CCDC73: variants seen among roughly 807,000 people sequenced by gnomAD.
CCDC73 encodes coiled-coil domain containing 73.
In CCDC73, 95 loss-of-function variants were observed where a neutral mutation model predicts 116.5. The observed-to-expected ratio is 0.82, with a 90% confidence interval of 0.69 to 0.97. The LOEUF is 0.97. CCDC73 is among the 50% of genes least tolerant of loss of function. The pLI, the probability that CCDC73 is intolerant of heterozygous loss-of-function variation, is 0.00. For missense variants in CCDC73, 1,066 were observed against 1,206.8 expected, an observed-to-expected ratio of 0.88 and a Z score of 1.73; for synonymous variants, 398 against 401.3, an observed-to-expected ratio of 0.99 and a Z score of 0.10.
intron 7 of CCDC73, among the ~76,000 whole-genome samples, chr11:32,679,264 T>G (rs371230032): frequency 2.0e-5 from 3 of 152,318 alleles, no homozygotes; most frequent in African/African-American, 4.8e-5. Flanking sequence ...AATTTCTGAT[T>G]GAGAGAATTA....
chr11:32,782,203 G>A (rs1270964036), intron 1 of CCDC73, among the ~76,000 whole-genome samples: 1 of 152,160 alleles, frequency 6.6e-6, no homozygotes, highest in Non-Finnish European at 1.5e-5. Flanking sequence ...ATTATGGTGA[G>A]TTGTATAATT....
At chr11:32,828,881 C>T in the CCDC73 span, among the ~76,000 whole-genome samples, 3 of 152,100 alleles carry the variant, frequency 2.0e-5, no homozygotes, top group African/African-American at 7.2e-5. Flanking sequence ...TATGTTTATG[C>T]ATAGACTCAA....
intron 1 of CCDC73, among the ~76,000 whole-genome samples, chr11:32,766,001 C>T (rs1174653853): frequency 2.6e-5 from 4 of 151,932 alleles, no homozygotes; most frequent in Non-Finnish European, 2.9e-5. Flanking sequence ...AGAGACACAA[C>T]AAAAAAAGAG....
chr11:32,700,859 GATCACTGTTAACAGTGATCT>G (rs1305619012), intron 4 of CCDC73, 33 bp from the exon 5 acceptor site: 10 of 1,256,964 alleles, frequency 8.0e-6, no homozygotes, highest in African/African-American at 1.5e-5. Context: ...AAAATAAAGG[GATCACTGTTAACAGTGATCT>G]ATACTGGTCA....
intron 17 of CCDC73, 138 bp from the exon 18 acceptor site, chr11:32,603,158 A>C (rs773775103): frequency 7.8e-6 from 5 of 637,310 alleles, no homozygotes; most frequent in Non-Finnish European, 1.3e-5. Context: ...TAGTTCTGGC[A>C]CCAGAAAAGT....
At chr11:32,676,227 CAT>C (rs946949432) in intron 7 of CCDC73, among the ~76,000 whole-genome samples, 14 of 152,122 alleles carry the variant, frequency 9.2e-5, no homozygotes, top group African/African-American at 3.4e-4. Flanking sequence ...CTAAAGCAAA[CAT>C]ATTTTTCCTG....
At chr11:32,629,610 G>C (rs1251781686) in intron 14 of CCDC73, among the ~76,000 whole-genome samples, 1 of 152,016 alleles carries the variant, frequency 6.6e-6, no homozygotes, top group Non-Finnish European at 1.5e-5. Context: ...GTGTTAGCCA[G>C]GATGGTCTCG....
Position 32,614,220 on chromosome 11 carries a change from C to G in CCDC73, c.2098G>C (p.Val700Leu), listed in dbSNP as rs577131034. Residue 700 changes from valine (V) to leucine (L), a missense_variant, in exon 16 of 18, where the codon GTT becomes CTT. By Grantham distance (32) the Val-to-Leu change is conservative. Coordinates refer to ENST00000335185, the MANE Select transcript of CCDC73 (RefSeq NM_001008391.4). ...NDTLEKSELT[V>L]PCDIVIDHHV... ...TGGTCGATTACTATATCACAGGGAA[C>G]AGTTAGTTCAGATTTCTCTAAAGTA... The G allele has an allele frequency of 1.9e-6, 3 of 1,613,790 alleles. No homozygotes were observed. Among genetic ancestry groups the G allele is most frequent in the East Asian group, 4.5e-5 (2 of 44,828 alleles).
At chr11:32,718,171 G>A (rs1849961955) in intron 2 of CCDC73, 24 bp from the exon 3 acceptor site, 5 of 1,512,220 alleles carry the variant, frequency 3.3e-6, no homozygotes, top group South Asian at 1.2e-5. Flanking sequence ...AAAAAGAAAA[G>A]TGCTATAAAA....
chr11:32,724,179 C>G (rs1850012589), intron 2 of CCDC73, among the ~76,000 whole-genome samples: 2 of 151,950 alleles, frequency 1.3e-5, no homozygotes, highest in African/African-American at 2.4e-5. Context: ...ACATATTATA[C>G]CATTAATTAC....
intron 2 of CCDC73, 89 bp downstream of exon 2, chr11:32,760,020 T>C (rs1812107258): frequency 5.5e-6 from 6 of 1,086,626 alleles, no homozygotes; most frequent in Non-Finnish European, 6.8e-6. Context: ...ACAAGAGGGA[T>C]TTTTTAGGCT....
At chr11:32,714,627 A>T (rs944944263) in intron 3 of CCDC73, among the ~76,000 whole-genome samples, 1 of 152,116 alleles carries the variant, frequency 6.6e-6, no homozygotes, top group African/African-American at 2.4e-5. Context: ...ACTAGGTTTC[A>T]CTAATACATG....
intron 14 of CCDC73, among the ~76,000 whole-genome samples, chr11:32,625,038 C>T (rs1855557441): frequency 6.6e-6 from 1 of 152,140 alleles, no homozygotes; most frequent in Non-Finnish European, 1.5e-5. Flanking sequence ...ATGTAATGGC[C>T]TTCTTTGTCT....
chr11:32,609,740 T>A (rs890960820), intron 17 of CCDC73, among the ~76,000 whole-genome samples: 5 of 152,194 alleles, frequency 3.3e-5, no homozygotes, highest in African/African-American at 4.8e-5. Context: ...CAGTTCCATG[T>A]GGCTGGGGAG....
chr11:32,777,008 T>TA (rs1468562730), intron 1 of CCDC73, among the ~76,000 whole-genome samples: 1 of 142,560 alleles, frequency 7.0e-6, no homozygotes, highest in Non-Finnish European at 1.5e-5. Flanking sequence ...TATATATATA[T>TA]ATATATATAT....
At chr11:32,785,346 C>T (rs1436800654) in intron 1 of CCDC73, among the ~76,000 whole-genome samples, 4 of 152,092 alleles carry the variant, frequency 2.6e-5, no homozygotes, top group African/African-American at 9.7e-5. Flanking sequence ...AAAAGTTTTA[C>T]GATGCTGTTA....
intron 13 of CCDC73, among the ~76,000 whole-genome samples, chr11:32,636,652 T>C (rs543513885): frequency 9.9e-5 from 15 of 152,252 alleles, no homozygotes; most frequent in Non-Finnish European, 1.9e-4. Context: ...TATTCCTTAT[T>C]ATAAATACTA....
At chr11:32,793,353 A>G (rs996364202) in intron 1 of CCDC73, among the ~76,000 whole-genome samples, 2 of 152,190 alleles carry the variant, frequency 1.3e-5, no homozygotes, top group Non-Finnish European at 2.9e-5. Flanking sequence ...TCAGGTTGGG[A>G]TATTTCAGTA....
At chr11:32,804,015 G>A in the CCDC73 span, among the ~76,000 whole-genome samples, 1 of 151,832 alleles carries the variant, frequency 6.6e-6, no homozygotes, top group Non-Finnish European at 1.5e-5. Context: ...TCACCATGTT[G>A]ACCAGGCTAG....
Sources: gnomAD v4.1 joint callset for allele counts (sites outside exome capture counted in the v4.1 genomes callset) on GRCh38, gnomAD v4.1.1 for gene constraint, MANE v1.5 for transcripts, NCBI Gene and HGNC (gene_info 2026-07-23, HGNC 2026-07-21) for gene names.